Variants in MAP4K2 observed in about 807,000 individuals in gnomAD.
MAP4K2 encodes the protein B lymphocyte serine/threonine protein kinase.
In MAP4K2, 85 loss-of-function variants were observed where a neutral mutation model predicts 125.3. The ratio of observed to expected loss-of-function variants is 0.68; its 90% confidence interval spans 0.57 to 0.81. MAP4K2 has a LOEUF of 0.81. MAP4K2 is among the 40% of genes least tolerant of loss of function. The probability of loss-of-function intolerance (pLI) is 0.00; values close to 1 mark genes in which losing one functional copy is unlikely to be tolerated. For synonymous variants in MAP4K2, 479 were observed against 445.1 expected (o/e 1.08, Z -0.96); for missense variants, 923 against 1,056.4 (o/e 0.87, Z 1.75).
intron 2 of MAP4K2, 31 bp from the exon 3 acceptor site, chr11:64,802,684 G>A (rs192135976): frequency 1.3e-6 from 2 of 1,599,128 alleles, no homozygotes; most frequent in Non-Finnish European, 1.7e-6. Flanking sequence ...TGGGGAAGGC[G>A]CGCTGGGGTT....
At chr11:64,795,081 A>ATT (rs141351266) in intron 24 of MAP4K2, among the ~76,000 whole-genome samples, 14 of 121,672 alleles carry the variant, frequency 1.2e-4, no homozygotes, top group African/African-American at 2.2e-4. Context: ...TAAGTTTTCG[A>ATT]TTTTTTTTTT....
At position 64,786,748 on chromosome 11, in the gene MAP4K2, G is replaced by A. The variant is rs1416681167; in HGVS notation, c.*2789C>T. The A allele has an allele frequency of 6.6e-6, 1 of 152,146 alleles. No homozygotes were observed. Among genetic ancestry groups the A allele is most frequent in the Non-Finnish European group, 1.5e-5 (1 of 68,032 alleles). The allele number at this position is 152,146 out of a possible 1,614,324, so 9.4% of individuals were successfully genotyped here. ...TTATCTTCTAGAAGTGCTTGAATAT[G>A]TACAGAGGGGCACTAGCCTAATAAT... On this transcript the variant is annotated 3_prime_UTR_variant, in exon 32 of 32. Transcript: ENST00000294066.
chr11:64,797,872 A>G (rs1027359332), intron 15 of MAP4K2, among the ~76,000 whole-genome samples: 13 of 151,002 alleles, frequency 8.6e-5, no homozygotes, highest in East Asian at 2.0e-4. Context: ...CACCCGGCTA[A>G]TTTTTTGTAT....
In MAP4K2 at chr11:64,790,470, C is replaced by T. The variant is rs769549085; in HGVS notation, c.2093-8G>A. Reference sequence around the variant, plus strand: ...CCGAGCCTGGGATCCCCTCTGCAGGCAGAGAAGAGAGACATGGCCTGGCTG... The same window carrying T: ...CCGAGCCTGGGATCCCCTCTGCAGGTAGAGAAGAGAGACATGGCCTGGCTG... On this transcript the variant is annotated splice_polypyrimidine_tract_variant and splice_region_variant and intron_variant, in intron 27 of 31. Transcript: ENST00000294066. The T allele has an allele frequency of 1.2e-6, 2 of 1,613,680 alleles. No individual in the cohort carries two copies. The highest frequency in any genetic ancestry group is 1.1e-5 in the South Asian group (1 of 91,086).
chr11:64,794,061 C>T (rs1230987737), intron 24 of MAP4K2, among the ~76,000 whole-genome samples: 36 of 152,212 alleles, frequency 2.4e-4, no homozygotes, highest in Admixed American at 2.4e-3. Context: ...CCACACCACC[C>T]ACCTGGTCAT....
At chr11:64,790,020 G>A in intron 29 of MAP4K2, 61 bp from the exon 30 acceptor site, 1 of 1,594,920 alleles carries the variant, frequency 6.3e-7, no homozygotes, top group South Asian at 1.1e-5. Flanking sequence ...AGCCACGCCT[G>A]AGCCTGGGTC....
chr11:64,798,731 G>T (rs535419677), intron 15 of MAP4K2, 63 bp downstream of exon 15: 1 of 1,583,818 alleles, frequency 6.3e-7, no homozygotes, highest in African/African-American at 1.3e-5. Context: ...CACCACGCCC[G>T]GTCAGAGGTC....
chr11:64,794,119 G>T (rs1940653171), intron 24 of MAP4K2, among the ~76,000 whole-genome samples: 1 of 152,172 alleles, frequency 6.6e-6, no homozygotes, highest in South Asian at 2.1e-4. Context: ...TCAGAGCCCA[G>T]CCCCACCAAG....
intron 27 of MAP4K2, among the ~76,000 whole-genome samples, chr11:64,790,911 G>C (rs185817585): frequency 6.6e-5 from 10 of 152,300 alleles, no homozygotes; most frequent in African/African-American, 9.6e-5. Context: ...CGAAGCGGGT[G>C]GATCACCTGA....
chr11:64,800,873 C>T, intron 9 of MAP4K2, 27 bp downstream of exon 9: 1 of 1,613,940 alleles, frequency 6.2e-7, no homozygotes, highest in Non-Finnish European at 8.5e-7. Flanking sequence ...GATCAAGGGT[C>T]AGGTGAGGGG....
Position 64,800,486 on chromosome 11 carries a change from G to A in MAP4K2, c.726-94C>T, listed in dbSNP as rs972565735. 8.5e-6 allele frequency: 12 copies of A among 1,404,890 alleles called. No individual in the cohort carries two copies. In the Admixed American group the frequency reaches 9.4e-5, roughly 11 times the overall value. 87.0% of individuals were successfully genotyped at this position (1,404,890 alleles called of 1,614,324 possible). Reference sequence around the variant, plus strand: ...CCCTACCACCCCTCCAGAGGCGTCTGCTGGGCCCACCCAGGAAGGAGCCAG... The same window carrying A: ...CCCTACCACCCCTCCAGAGGCGTCTACTGGGCCCACCCAGGAAGGAGCCAG... On this transcript the variant is annotated intron_variant, in intron 10 of 31. Coordinates refer to ENST00000294066, the MANE Select transcript of MAP4K2 (RefSeq NM_004579.5).
Position 64,801,606 on chromosome 11 carries a change from G to A in MAP4K2, c.430C>T (p.Leu144Phe). The change falls in exon 7 of 32, where the codon CTC (leucine) becomes TTC (phenylalanine). Residue 144 changes from leucine (L) to phenylalanine (F), a missense_variant. By Grantham distance (22) the Leu-to-Phe change is conservative. Transcript: ENST00000294066. ...HRDIKGANLL[L>F]TLQGDVKLAD... is the part of the protein sequence containing the mutation. ...AGTTTGACATCTCCCTGGAGAGTGA[G>A]GAGAAGGTTGGCTCCCTGTGGGAAT... 1 of 1,614,048 alleles carries A rather than the reference G, an allele frequency of 6.2e-7. No homozygotes were observed. Among genetic ancestry groups the A allele is most frequent in the East Asian group, 2.2e-5 (1 of 44,874 alleles).
chr11:64,803,190 C>G lies in MAP4K2; in HGVS notation c.-41G>C. 1.1e-6 allele frequency: 1 copy of G among 945,940 alleles called. No homozygotes were observed. The highest frequency in any genetic ancestry group is 1.3e-6 in the Non-Finnish European group (1 of 784,940). The allele number at this position is 945,940 out of a possible 1,614,324, so 58.6% of individuals were successfully genotyped here. On this transcript the variant is annotated 5_prime_UTR_variant, in exon 1 of 32. Coordinates refer to ENST00000294066, the MANE Select transcript of MAP4K2 (RefSeq NM_004579.5). ...GGGCCGGCAGGCGGGCGGGCGCGAG[C>G]TGCGGAGCCGGCGCGGGGCGGCGCG...
In MAP4K2 at chr11:64,796,990, T is replaced by C; in HGVS notation, c.1399A>G (p.Lys467Glu). 6.2e-7 allele frequency: 1 copy of C among 1,613,818 alleles called. No homozygotes were observed. The highest frequency in any genetic ancestry group is 1.1e-5 in the South Asian group (1 of 91,072). Residue 467 changes from lysine to glutamate, a missense_variant, in exon 20 of 32, where the codon AAG (lysine) becomes GAG (glutamate). Lys to Glu is a moderately conservative substitution (Grantham distance 56). This residue lies in a region of MAP4K2 where 833 missense variants were observed against 911.4 expected (regional missense o/e 0.91). Coordinates refer to ENST00000294066, the MANE Select transcript of MAP4K2 (RefSeq NM_004579.5). Reference protein sequence around the residue: ...SSCHGLPPTPKVHMGACFSKV... With the variant: ...SSCHGLPPTPEVHMGACFSKV... ...TTGGGGCAAACACTTACATGCACCT[T>C]GGGAGTTGGGGGGAGCCCGTGGCAG...
chr11:64,794,978 A>T (rs1940706701), intron 24 of MAP4K2, among the ~76,000 whole-genome samples: 1 of 151,046 alleles, frequency 6.6e-6, no homozygotes, highest in Non-Finnish European at 1.5e-5. Context: ...CTTCAACCTC[A>T]ACCTCCTGGG....
At chr11:64,789,645 G>A in intron 31 of MAP4K2, 21 bp from the exon 32 acceptor site, 1 of 1,611,704 alleles carries the variant, frequency 6.2e-7, no homozygotes, top group South Asian at 1.1e-5. Context: ...GAGGAGTAGG[G>A]GGCAGGGCGG....
At chr11:64,792,863 T>C (rs1214369864) in intron 24 of MAP4K2, among the ~76,000 whole-genome samples, 3 of 152,182 alleles carry the variant, frequency 2.0e-5, no homozygotes, top group African/African-American at 4.8e-5. Context: ...CATCCCATAT[T>C]AGGACTTTCC....
At position 64,789,226 on chromosome 11, in the gene MAP4K2, A is replaced by G; in HGVS notation, c.*311T>C. On this transcript the variant is annotated 3_prime_UTR_variant, in exon 32 of 32. Coordinates refer to ENST00000294066, the MANE Select transcript of MAP4K2 (RefSeq NM_004579.5). ...GCAGGGGCAGGCTCTTGGCAGAAAG[A>G]GTAGAAAGGAAATGTGGAACAAAAT... 4.6e-6 allele frequency: 2 copies of G among 431,706 alleles called. No individual in the cohort carries two copies. The highest frequency in any genetic ancestry group is 8.5e-6 in the Non-Finnish European group (2 of 234,538). The allele number at this position is 431,706 out of a possible 1,614,324, so 26.7% of individuals were successfully genotyped here.
In MAP4K2 at chr11:64,796,831, G is replaced by C; in HGVS notation, c.1470C>G (p.Thr490=). 6.2e-7 allele frequency: 1 copy of C among 1,613,812 alleles called. No homozygotes were observed. Residue 490 remains threonine, a synonymous_variant, in exon 21 of 32, where the codon ACC becomes ACG. Coordinates refer to ENST00000294066, the MANE Select transcript of MAP4K2 (RefSeq NM_004579.5). ...TACCCCGAGTAACAGGGTGAATCCAGGTGACAGCAGCGTGGATCCGCAGGG... is the reference window on the plus strand; with the variant it reads ...TACCCCGAGTAACAGGGTGAATCCACGTGACAGCAGCGTGGATCCGCAGGG... ...GCPLRIHAAV[T]WIHPVTRDQF... is the part of the protein sequence containing the mutation.
Sources: gnomAD v4.1 joint callset for allele counts (sites outside exome capture counted in the v4.1 genomes callset) on GRCh38, gnomAD v4.1.1 for gene constraint, gnomAD v4.1.1 regional missense constraint, MANE v1.5 for transcripts, NCBI Gene and HGNC (gene_info 2026-07-23, HGNC 2026-07-21) for gene names.